SBNO2: variants seen among roughly 807,000 people sequenced by gnomAD.
SBNO2 encodes strawberry notch homolog 2.
SBNO2 carries 89 observed loss-of-function variants against 146.3 expected under a neutral mutation model. That is an observed-to-expected ratio of 0.61 (90% CI 0.51 to 0.73). The LOEUF (loss-of-function observed/expected upper bound fraction) is 0.73, where lower values mean the gene tolerates loss of function less well. SBNO2 is among the 30% of genes least tolerant of loss of function. The pLI is 0.00. For missense variants in SBNO2, 2,092 were observed against 2,003.7 expected (o/e 1.04, Z -0.84); for synonymous variants, 1,147 against 892.6 (o/e 1.29, Z -5.08).
At position 1,153,642 on chromosome 19, in the gene SBNO2, A is replaced by G. The variant is rs192999154; in HGVS notation, c.93+542T>C. 2.0e-3 allele frequency among the ~76,000 whole-genome samples: 299 copies of G among 151,628 alleles called. 1 individual carries two copies. Among genetic ancestry groups the G allele is most frequent in the African/African-American group, 6.9e-3 (285 of 41,268 alleles). On this transcript the variant is annotated intron_variant, in intron 2 of 31. Transcript: ENST00000361757. ...AGCCTCTGCCTCCTAGATTTAAGCAATTCTCCTGCCTCAGCCTCCCGAGTA... is the reference window on the plus strand; with the variant it reads ...AGCCTCTGCCTCCTAGATTTAAGCAGTTCTCCTGCCTCAGCCTCCCGAGTA...
intron 4 of SBNO2, among the ~76,000 whole-genome samples, chr19:1,142,052 CGAT>C (rs2080143140): frequency 9.2e-6 from 1 of 108,666 alleles, no homozygotes; most frequent in Non-Finnish European, 2.1e-5. Context: ...ACCTCCCTCA[CGAT>C]CAACCCTCCC....
rs749005949 is a variant in SBNO2, at chr19:1,116,882, C to T, written c.1749G>A (p.Arg583=). Residue 583 remains arginine (R), a synonymous_variant, in exon 16 of 32, where the codon CGG becomes CGA. Coordinates refer to ENST00000361757, the MANE Select transcript of SBNO2 (RefSeq NM_014963.3). ...GLQSTGEART[R]EVLGENDGHL... ...GCCCATCGTTCTCCCCCAGCACCTC[C>T]CGCGTGCGCGCCTCGCCCGTGGACT... is the stretch of plus-strand genomic sequence containing the variant. 2 of 1,584,612 alleles carry T rather than the reference C, an allele frequency of 1.3e-6. No homozygotes were observed. The highest frequency in any genetic ancestry group is 2.3e-5 in the East Asian group (1 of 43,654).
intron 1 of SBNO2, among the ~76,000 whole-genome samples, chr19:1,171,352 CAGGCACACAACACACAT>C (rs1034136948): frequency 6.6e-6 from 1 of 151,376 alleles, no homozygotes; most frequent in African/African-American, 2.5e-5. Flanking sequence ...ATACAACACA[CAGGCACACAACACACAT>C]GTGCATGCAC....
intron 7 of SBNO2, 95 bp from the exon 8 acceptor site, chr19:1,123,140 G>A: frequency 1.4e-6 from 2 of 1,419,336 alleles, no homozygotes; most frequent in Non-Finnish European, 1.9e-6. Flanking sequence ...GGCGTGGCCA[G>A]AGCTGGCGGG....
rs995162395 is a variant in SBNO2, at chr19:1,154,192, G to T, written c.85C>A (p.Pro29Thr). The change falls in exon 2 of 32, where the codon CCC becomes ACC. Residue 29 changes from proline (P) to threonine (T), a missense_variant. Pro to Thr is a conservative substitution (Grantham distance 38). Coordinates refer to ENST00000361757, the MANE Select transcript of SBNO2 (RefSeq NM_014963.3). Reference sequence around the variant, plus strand: ...CCGGGGGTGGGGCTCACCTGCAGGGGCGGCGGGCTGTACAGGAGGCTGCCC... The same window carrying T: ...CCGGGGGTGGGGCTCACCTGCAGGGTCGGCGGGCTGTACAGGAGGCTGCCC... ...PAGSLLYSPPPLQSAMLHCPY... is the reference protein window; with the variant it reads ...PAGSLLYSPPTLQSAMLHCPY... The T allele has an allele frequency of 8.0e-6, 10 of 1,242,670 alleles. No individual in the cohort carries two copies. Among genetic ancestry groups the T allele is most frequent in the Non-Finnish European group, 1.0e-5 (10 of 992,430 alleles). The allele number at this position is 1,242,670 out of a possible 1,614,324, so 77.0% of individuals were successfully genotyped here. A position where few individuals can be genotyped will look rare whatever the true frequency, so the allele number is the denominator to read the frequency against.
chr19:1,162,454 C>T (rs371111227), intron 1 of SBNO2, among the ~76,000 whole-genome samples: 9 of 137,422 alleles, frequency 6.5e-5, no homozygotes, highest in Admixed American at 1.6e-4. Flanking sequence ...AGCGAGACTC[C>T]GTCTCAAAAA....
intron 2 of SBNO2, among the ~76,000 whole-genome samples, 191 bp downstream of exon 2, chr19:1,153,993 A>C (rs2080265472): frequency 6.6e-6 from 1 of 152,164 alleles, no homozygotes; most frequent in African/African-American, 2.4e-5. Flanking sequence ...CCTCCCATTC[A>C]CATCCCCATG....
rs2079776255 is a variant in SBNO2 at position 1,112,458 on chromosome 19, C to T, written c.2459G>A (p.Arg820His). The T allele has an allele frequency of 2.5e-6, 4 of 1,607,606 alleles. No homozygotes were observed. Among genetic ancestry groups the T allele is most frequent in the African/African-American group, 1.3e-5 (1 of 74,862 alleles). ...ADRRVQNQRR[R>H]VHMTLELPWS... ...CGGCAGCTCCAAGGTCATGTGCACG[C>T]GGCGCCGCTGGTTCTGGACACGGCG... is the stretch of plus-strand genomic sequence containing the variant. The change falls in exon 21 of 32, where the codon CGC (arginine) becomes CAC (histidine). Residue 820 changes from arginine to histidine, a missense_variant. Transcript: ENST00000361757. This position sits in a 1 kb window ranked among gnomAD's most constrained non-coding sequence, Gnocchi z 5.9.
chr19:1,171,613 C>A (rs778319993), intron 1 of SBNO2, among the ~76,000 whole-genome samples: 3 of 152,250 alleles, frequency 2.0e-5, no homozygotes, highest in East Asian at 1.9e-4. Flanking sequence ...CCTCTTTGTT[C>A]GGGGCAGAGC....
rs1185836184 is a variant in SBNO2, at chr19:1,136,427, C to T, written c.280-8662G>A. Among the ~76,000 whole-genome samples the T allele has an allele frequency of 1.3e-5, 2 of 152,224 alleles. No homozygotes were observed. The highest frequency in any genetic ancestry group is 1.5e-5 in the Non-Finnish European group (1 of 68,032). ...GCAGCCGGGCAGGGCCGAACCCTGG[C>T]GCACAGCTTCCTGCTGAGTCTCCCT... On this transcript the variant is annotated intron_variant, in intron 4 of 31. Transcript: ENST00000361757. The surrounding 1 kb of genome is among the most constrained non-coding windows in gnomAD (Gnocchi z 4.2).
At chr19:1,166,617 G>GCGCACACA (rs936773451) in intron 1 of SBNO2, among the ~76,000 whole-genome samples, 8 of 136,276 alleles carry the variant, frequency 5.9e-5, no homozygotes, top group African/African-American at 2.0e-4. Context: ...AACTGCACGC[G>GCGCACACA]CACACACACA....
rs1294144330 is a variant in SBNO2 at position 1,136,461 on chromosome 19, C to T, written c.280-8696G>A. Among the ~76,000 whole-genome samples, 1 of 152,194 alleles carries T rather than the reference C, an allele frequency of 6.6e-6. No homozygotes were observed. The highest frequency in any genetic ancestry group is 1.5e-5 in the Non-Finnish European group (1 of 68,016). Reference sequence around the variant, plus strand: ...TCCTGCTGAGTCTCCCTCTCTAAGGCTGTCTGTGGGCGGCTCTGCCGGCCC... The same window carrying T: ...TCCTGCTGAGTCTCCCTCTCTAAGGTTGTCTGTGGGCGGCTCTGCCGGCCC... On this transcript the variant is annotated intron_variant, in intron 4 of 31. Coordinates refer to ENST00000361757, the MANE Select transcript of SBNO2 (RefSeq NM_014963.3). The surrounding 1 kb of genome is among the most constrained non-coding windows in gnomAD (Gnocchi z 4.2).
chr19:1,162,557 A>G (rs1306310640), intron 1 of SBNO2, among the ~76,000 whole-genome samples: 3 of 151,896 alleles, frequency 2.0e-5, no homozygotes, highest in African/African-American at 7.3e-5. Flanking sequence ...AGCCTGCCAG[A>G]GGCAGGAGGC....
intron 1 of SBNO2, among the ~76,000 whole-genome samples, chr19:1,167,503 C>T (rs2080437288): frequency 6.6e-6 from 1 of 152,242 alleles, no homozygotes; most frequent in Non-Finnish European, 1.5e-5. Context: ...CACTTCCCTG[C>T]TTTCGGGGAG....
chr19:1,162,181 C>T (rs111523305), intron 1 of SBNO2, among the ~76,000 whole-genome samples: 92 of 144,138 alleles, frequency 6.4e-4, no homozygotes, highest in African/African-American at 2.3e-3. Context: ...ATAATACAGC[C>T]GGGAACAGTG....
chr19:1,108,735 C>G, intron 31 of SBNO2, 31 bp from the exon 32 acceptor site: 1 of 1,581,530 alleles, frequency 6.3e-7, no homozygotes, highest in Non-Finnish European at 8.5e-7. Flanking sequence ...TCAGGGCCGG[C>G]GCTGGGGGCT....
In SBNO2 at chr19:1,108,334, G is replaced by A. The variant is rs377552987; in HGVS notation, c.3987C>T (p.Ser1329=). ...CCGCGCCCTCCCCCAGCGCGCCCTC[G>A]GAGGGCGGCCCCGCGTGCAGCGAGC... ...MLRSLHAGPP[S]EGALGEGAGA... is the part of the protein sequence containing the mutation. Residue 1329 remains serine (S), a synonymous_variant, in exon 32 of 32, where the codon TCC becomes TCT. Transcript: ENST00000361757. 308 of 1,353,546 alleles carry A rather than the reference G, an allele frequency of 2.3e-4. No homozygotes were observed. In the African/African-American group the frequency reaches 4.5e-3, roughly 20 times the overall value. The allele number at this position is 1,353,546 out of a possible 1,614,324, so 83.8% of individuals were successfully genotyped here.
rs952402441 is a variant in SBNO2, at chr19:1,166,174, C to T, written c.-127+7998G>A. ...AGATCCCAGACTTCAGATCCCCAGA[C>T]CCCAGATCCCAGACTTCAGATCCCC... On this transcript the variant is annotated intron_variant, in intron 1 of 31. Coordinates refer to ENST00000361757, the MANE Select transcript of SBNO2 (RefSeq NM_014963.3). Among the ~76,000 whole-genome samples the T allele has an allele frequency of 8.6e-3, 277 of 32,186 alleles. 1 individual carries two copies. The highest frequency in any genetic ancestry group is 0.032 in the African/African-American group (272 of 8,434). The allele number at this position is 32,186 out of a possible 152,430, so 21.1% of individuals were successfully genotyped here.
intron 4 of SBNO2, among the ~76,000 whole-genome samples, chr19:1,139,025 T>C (rs2080111238): frequency 1.3e-5 from 2 of 151,778 alleles, no homozygotes; most frequent in Non-Finnish European, 2.9e-5. Context: ...ACCTGGTACC[T>C]CCACGCGTCT....
Sources: allele counts gnomAD v4.1 joint callset (sites outside exome capture counted in the v4.1 genomes callset), GRCh38; gene constraint gnomAD v4.1.1; non-coding constraint Gnocchi (gnomAD v3.1); transcripts MANE v1.5; gene names NCBI Gene and HGNC (gene_info 2026-07-23, HGNC 2026-07-21).